WDR76: variants seen among roughly 807,000 people sequenced by gnomAD.
WDR76 encodes the protein WD repeat domain 76, also known as WD repeat-containing protein 76.
Under a neutral mutation model 70.2 loss-of-function variants are expected in WDR76, and 52 were observed. The ratio of observed to expected loss-of-function variants is 0.74; its 90% confidence interval spans 0.59 to 0.93. The LOEUF is 0.93. Among genes scored for constraint, WDR76 ranks in the 40% least tolerant of loss-of-function variants. The pLI, the probability that WDR76 is intolerant of heterozygous loss-of-function variation, is 0.00. For missense variants in WDR76, 756 were observed against 760.2 expected (o/e 0.99, Z 0.07); for synonymous variants, 292 against 271.1 (o/e 1.08, Z -0.76).
chr15:43,858,261 T>G (rs547850101), intron 10 of WDR76, among the ~76,000 whole-genome samples: 2 of 149,800 alleles, frequency 1.3e-5, no homozygotes, highest in African/African-American at 4.9e-5. Context: ...TTTTTGTTTG[T>G]TTGTTTGTTT....
chr15:43,853,830 C>A (rs1015887230), intron 9 of WDR76, among the ~76,000 whole-genome samples: 1 of 148,046 alleles, frequency 6.8e-6, no homozygotes, highest in Non-Finnish European at 1.5e-5. Context: ...CGCTTGAACC[C>A]GGGAGGTGGA....
chr15:43,827,403 T>C (rs2087530862), intron 1 of WDR76, among the ~76,000 whole-genome samples: 1 of 152,184 alleles, frequency 6.6e-6, no homozygotes, highest in Non-Finnish European at 1.5e-5. Flanking sequence ...CAGTCACAAA[T>C]GCTAGTCATT....
chr15:43,838,033 G>A (rs1025393848), intron 4 of WDR76, among the ~76,000 whole-genome samples: 3 of 151,752 alleles, frequency 2.0e-5, no homozygotes, highest in Non-Finnish European at 4.4e-5. Context: ...CCGCCACCAC[G>A]CCCGGCTAAT....
chr15:43,846,821 A>G (rs2087794609), intron 8 of WDR76, among the ~76,000 whole-genome samples: 1 of 151,958 alleles, frequency 6.6e-6, no homozygotes, highest in Non-Finnish European at 1.5e-5. Context: ...TCTGGAGTTC[A>G]AGACCAGCCT....
intron 11 of WDR76, among the ~76,000 whole-genome samples, chr15:43,859,879 G>A (rs1239427660): frequency 6.6e-6 from 1 of 152,246 alleles, no homozygotes; most frequent in African/African-American, 2.4e-5. Context: ...AAGAGAAGGA[G>A]GTGGTGATGC....
chr15:43,834,349 A>G (rs939805076), intron 2 of WDR76, among the ~76,000 whole-genome samples: 1 of 141,024 alleles, frequency 7.1e-6, no homozygotes, highest in Non-Finnish European at 1.5e-5. Context: ...TGTCCAGGCT[A>G]GAGTGCAATG....
Position 43,866,456 on chromosome 15 carries a change from C to T in WDR76, c.*64C>T, listed in dbSNP as rs756963226. On this transcript the variant is annotated 3_prime_UTR_variant, in exon 13 of 13. Coordinates refer to ENST00000263795, the MANE Select transcript of WDR76 (RefSeq NM_024908.4). ...ACTGTCTAAGGAGCCTAGTAATCGGCGTGCCTTAGTGTGTTTATGTGGTAA... is the reference window on the plus strand; with the variant it reads ...ACTGTCTAAGGAGCCTAGTAATCGGTGTGCCTTAGTGTGTTTATGTGGTAA... 1.2e-5 allele frequency: 19 copies of T among 1,573,680 alleles called. No homozygotes were observed. Among genetic ancestry groups the T allele is most frequent in the Non-Finnish European group, 1.4e-5 (16 of 1,150,382 alleles).
intron 7 of WDR76, 107 bp downstream of exon 7, chr15:43,842,778 C>T: frequency 9.7e-7 from 1 of 1,026,066 alleles, no homozygotes; most frequent in South Asian, 1.6e-5. Context: ...ATGTTTCCAC[C>T]CTAACAACTG....
rs934250517 is a variant in WDR76 at position 43,839,662 on chromosome 15, A to G, written c.666A>G (p.Lys222=). ...GTAGAAGGTCAATGCGATTACTAAA[A>G]GTTGATCCTTCGGGAGTTTCATTAC... ...IGCRRSMRLL[K]VDPSGVSLPA... The change falls in exon 5 of 13, where the codon AAA becomes AAG. Residue 222 remains lysine, a synonymous_variant. Coordinates refer to ENST00000263795, the MANE Select transcript of WDR76 (RefSeq NM_024908.4). 1.9e-6 allele frequency: 3 copies of G among 1,612,980 alleles called. No individual in the cohort carries two copies. Among genetic ancestry groups the G allele is most frequent in the Non-Finnish European group, 2.5e-6 (3 of 1,179,262 alleles).
At chr15:43,843,713 T>C (rs577124079) in intron 7 of WDR76, among the ~76,000 whole-genome samples, 188 bp from the exon 8 acceptor site, 1 of 152,348 alleles carries the variant, frequency 6.6e-6, no homozygotes, top group East Asian at 1.9e-4. Context: ...TTTGGTGTTA[T>C]TAAAATTATC....
At chr15:43,851,786 T>C (rs1200537007) in intron 9 of WDR76, among the ~76,000 whole-genome samples, 1 of 152,156 alleles carries the variant, frequency 6.6e-6, no homozygotes, top group Admixed American at 6.5e-5. Context: ...ATAAAAAATA[T>C]TAGCTGAGCT....
At chr15:43,831,450 T>A (rs1354937398) in intron 2 of WDR76, among the ~76,000 whole-genome samples, 3 of 151,566 alleles carry the variant, frequency 2.0e-5, no homozygotes, top group Non-Finnish European at 4.4e-5. Flanking sequence ...AGATACTTTT[T>A]TTTTTTGAGA....
rs910565504 is a variant in WDR76, at chr15:43,841,201, G to GTTTTTTTTT, written c.733-1203_733-1195dup. Among the ~76,000 whole-genome samples, 97 of 102,218 alleles carry GTTTTTTTTT rather than the reference G, an allele frequency of 9.5e-4. 1 individual carries two copies. The highest frequency in any genetic ancestry group is 1.3e-3 in the Non-Finnish European group (65 of 50,388). 67.1% of individuals were successfully genotyped at this position (102,218 alleles called of 152,430 possible). A position where few individuals can be genotyped will look rare whatever the true frequency, so the allele number is the denominator to read the frequency against. On this transcript the variant is annotated intron_variant, in intron 5 of 12. Transcript: ENST00000263795. ...ACGCCTGGCTAAGTTTTGTTTTTTT[G>GTTTTTTTTT]TTTTTTTTTTTTTTTTTTTGAGACG...
chr15:43,832,535 T>C (rs1484017172), intron 2 of WDR76, among the ~76,000 whole-genome samples: 1 of 152,064 alleles, frequency 6.6e-6, no homozygotes, highest in South Asian at 2.1e-4. Flanking sequence ...AACCTCTGCC[T>C]TCTAGGTTCA....
intron 4 of WDR76, among the ~76,000 whole-genome samples, chr15:43,838,899 G>A (rs1054982485): frequency 6.6e-6 from 1 of 152,094 alleles, no homozygotes; most frequent in Non-Finnish European, 1.5e-5. Flanking sequence ...ATATGAGATG[G>A]AATGTTGACT....
chr15:43,842,854 A>G (rs1209509973), intron 7 of WDR76, among the ~76,000 whole-genome samples, 183 bp downstream of exon 7: 1 of 152,166 alleles, frequency 6.6e-6, no homozygotes, highest in Non-Finnish European at 1.5e-5. Flanking sequence ...AGCTTCATAT[A>G]CAATACCACT....
At chr15:43,834,300 T>A (rs1423109587) in intron 2 of WDR76, among the ~76,000 whole-genome samples, 1 of 143,456 alleles carries the variant, frequency 7.0e-6, no homozygotes, top group East Asian at 2.0e-4. Context: ...AAAAATAACT[T>A]TTTTTTTTTT....
intron 8 of WDR76, among the ~76,000 whole-genome samples, chr15:43,847,315 C>T (rs765660628): frequency 2.6e-5 from 4 of 151,762 alleles, no homozygotes; most frequent in Non-Finnish European, 4.4e-5. Context: ...GGCTGGAGTG[C>T]TGTGGTGTGA....
At chr15:43,848,085 A>C (rs1567188054) in intron 8 of WDR76, among the ~76,000 whole-genome samples, 3 of 151,598 alleles carry the variant, frequency 2.0e-5, no homozygotes, top group Non-Finnish European at 1.5e-5. Flanking sequence ...AAACAAACAA[A>C]AAAAAAACTG....
Sources: allele counts gnomAD v4.1 joint callset (sites outside exome capture counted in the v4.1 genomes callset), GRCh38; gene constraint gnomAD v4.1.1; transcripts MANE v1.5; gene names NCBI Gene and HGNC (gene_info 2026-07-23, HGNC 2026-07-21).